The following USP14 variants were observed in gnomAD, a reference collection of about 807,000 sequenced individuals.
USP14 encodes ubiquitin carboxyl-terminal hydrolase 14.
Under a neutral mutation model 76.5 loss-of-function variants are expected in USP14, and 38 were observed. The ratio of observed to expected loss-of-function variants is 0.50; its 90% confidence interval spans 0.38 to 0.65. USP14 has a LOEUF of 0.65. Among genes scored for constraint, USP14 ranks in the 30% least tolerant of loss-of-function variants. The probability of loss-of-function intolerance (pLI) is 0.00; values close to 1 mark genes in which losing one functional copy is unlikely to be tolerated. For missense variants in USP14, 467 were observed against 586.5 expected (o/e 0.80, Z 2.10); for synonymous variants, 192 against 191.7 (o/e 1.00, Z -0.01).
chr18:196,468 G>A, intron 6 of USP14, 169 bp from the exon 7 acceptor site: 1 of 532,652 alleles, frequency 1.9e-6, no homozygotes, highest in South Asian at 3.0e-5. Context: ...AGGTTGCGGT[G>A]AGCCGAGATC....
At chr18:210,907 T>C (rs1416489708) in intron 15 of USP14, among the ~76,000 whole-genome samples, 3 of 152,096 alleles carry the variant, frequency 2.0e-5, no homozygotes. Flanking sequence ...AGAATGTGGG[T>C]GGAAAAGGCA....
intron 6 of USP14, among the ~76,000 whole-genome samples, chr18:194,512 C>A (rs1452150081): frequency 2.0e-5 from 3 of 152,148 alleles, no homozygotes; most frequent in Non-Finnish European, 4.4e-5. Context: ...TTTGGTTTCT[C>A]ATTTTTCCGT....
In USP14 at chr18:204,023, T is replaced by C. The variant is rs140773458; in HGVS notation, c.1036-541T>C. On this transcript the variant is annotated intron_variant, in intron 12 of 15. Coordinates refer to ENST00000261601, the MANE Select transcript of USP14 (RefSeq NM_005151.4). ...CATAGAGTCCTGGGAGGGGCCTATC[T>C]ATCATTTTAGCCTTTTGAGCTTAAA... is the stretch of plus-strand genomic sequence containing the variant. Among the ~76,000 whole-genome samples, 67 of 152,300 alleles carry C rather than the reference T, an allele frequency of 4.4e-4. 1 individual carries two copies. In the East Asian group the frequency reaches 0.011, roughly 25 times the overall value.
At position 163,315 on chromosome 18, in the gene USP14, A is replaced by G. The variant is rs2144206816; in HGVS notation, c.24A>G (p.Val8=). MPLYSVT[V]KWGKEKFEGV... is the part of the protein sequence containing the mutation. ...TTGTGATTTTGTTTGCAGTTACTGTAAAATGGGGAAAGGAGAAATTTGAAG... is the reference window on the plus strand; with the variant it reads ...TTGTGATTTTGTTTGCAGTTACTGTGAAATGGGGAAAGGAGAAATTTGAAG... Residue 8 remains valine (V), a synonymous_variant, in exon 2 of 16, where the codon GTA becomes GTG. Transcript: ENST00000261601. The G allele has an allele frequency of 6.2e-7, 1 of 1,607,196 alleles. No homozygotes were observed. Among genetic ancestry groups the G allele is most frequent in the Non-Finnish European group, 8.5e-7 (1 of 1,177,286 alleles).
chr18:179,550 A>C (rs1194186318), intron 4 of USP14, among the ~76,000 whole-genome samples: 1 of 144,334 alleles, frequency 6.9e-6, no homozygotes, highest in East Asian at 2.0e-4. Flanking sequence ...GCATTTATTT[A>C]GTGCCATTCA....
At chr18:195,673 G>GT (rs1910211639) in intron 6 of USP14, among the ~76,000 whole-genome samples, 1 of 152,190 alleles carries the variant, frequency 6.6e-6, no homozygotes, top group African/African-American at 2.4e-5. Flanking sequence ...AGAGTCAGCT[G>GT]TTTAAGGACC....
At chr18:163,480 C>T (rs1909182316) in intron 2 of USP14, 27 bp downstream of exon 2, 1 of 1,591,536 alleles carries the variant, frequency 6.3e-7, no homozygotes, top group Non-Finnish European at 8.5e-7. Flanking sequence ...ATTTTCATCA[C>T]ATTACTATTA....
chr18:195,028 A>T (rs895927004), intron 6 of USP14, among the ~76,000 whole-genome samples: 3 of 152,106 alleles, frequency 2.0e-5, no homozygotes, highest in African/African-American at 7.2e-5. Flanking sequence ...ATTGTCCATT[A>T]AAAAAGTTTT....
intron 5 of USP14, among the ~76,000 whole-genome samples, chr18:185,739 C>T (rs1909910996): frequency 1.3e-5 from 2 of 151,704 alleles, no homozygotes; most frequent in African/African-American, 4.8e-5. Context: ...GCTCTGTTGC[C>T]CAGGCTCTGG....
At chr18:201,625 A>C (rs1910387270) in intron 10 of USP14, among the ~76,000 whole-genome samples, 1 of 152,228 alleles carries the variant, frequency 6.6e-6, no homozygotes, top group African/African-American at 2.4e-5. Context: ...CCAGGAGCCA[A>C]ATCATGTAAG....
intron 13 of USP14, among the ~76,000 whole-genome samples, chr18:206,504 T>G (rs1910532395): frequency 1.3e-5 from 2 of 152,244 alleles, no homozygotes; most frequent in Admixed American, 6.5e-5. Context: ...GTTTTCATCC[T>G]CTTAACCTAG....
intron 13 of USP14, among the ~76,000 whole-genome samples, chr18:205,623 T>TA (rs1280585817): frequency 6.6e-6 from 1 of 151,652 alleles, no homozygotes; most frequent in African/African-American, 2.4e-5. Flanking sequence ...AATATGAAAA[T>TA]AAAAAAAATC....
intron 1 of USP14, among the ~76,000 whole-genome samples, chr18:159,350 C>T (rs1449832728): frequency 1.3e-5 from 2 of 152,166 alleles, no homozygotes; most frequent in Non-Finnish European, 2.9e-5. Context: ...ACACATATCC[C>T]CGGGGTGTCA....
At chr18:173,657 AGG>A (rs1338072647) in intron 3 of USP14, among the ~76,000 whole-genome samples, 2 of 147,616 alleles carry the variant, frequency 1.4e-5, no homozygotes, top group Middle Eastern at 3.6e-3. Flanking sequence ...TCCTGACCTC[AGG>A]TGATCCGCCC....
At chr18:181,648 T>G (rs1219910276) in intron 5 of USP14, among the ~76,000 whole-genome samples, 1 of 152,206 alleles carries the variant, frequency 6.6e-6, no homozygotes, top group Non-Finnish European at 1.5e-5. Context: ...AAAATTTATT[T>G]TTTTCCTAAG....
rs1909709873 is a variant in USP14 at position 179,109 on chromosome 18, A to G, written c.300+72A>G. 3.8e-6 allele frequency: 4 copies of G among 1,041,532 alleles called. No individual in the cohort carries two copies. In the East Asian group the frequency reaches 1.0e-4, roughly 26 times the overall value. The allele number at this position is 1,041,532 out of a possible 1,614,324, so 64.5% of individuals were successfully genotyped here. On this transcript the variant is annotated intron_variant, in intron 4 of 15. Coordinates refer to ENST00000261601, the MANE Select transcript of USP14 (RefSeq NM_005151.4). ...ACCATTATTAAGGTGTCTTTCAGAA[A>G]GTAGCATCTGAATGTCTTGAAGACT...
chr18:208,899 C>A (rs1024594121), intron 13 of USP14, among the ~76,000 whole-genome samples: 3 of 152,142 alleles, frequency 2.0e-5, no homozygotes, highest in African/African-American at 7.2e-5. Context: ...GCGAGTGCCA[C>A]CATGCCTGGC....
chr18:203,586 ACT>A (rs1344548634), intron 12 of USP14, among the ~76,000 whole-genome samples: 1 of 148,718 alleles, frequency 6.7e-6, no homozygotes, highest in African/African-American at 2.5e-5. Flanking sequence ...GGGAGTGATA[ACT>A]CTGCACTATA....
At chr18:164,363 T>C (rs1374938554) in intron 2 of USP14, among the ~76,000 whole-genome samples, 1 of 152,178 alleles carries the variant, frequency 6.6e-6, no homozygotes, top group Non-Finnish European at 1.5e-5. Context: ...TCAAAGCACT[T>C]CAGCATTTTT....
Sources: allele counts gnomAD v4.1 joint callset (sites outside exome capture counted in the v4.1 genomes callset), GRCh38; gene constraint gnomAD v4.1.1; transcripts MANE v1.5; gene names NCBI Gene and HGNC (gene_info 2026-07-23, HGNC 2026-07-21).